The following NEGR1 variants were observed in gnomAD, a reference collection of about 807,000 sequenced individuals.
NEGR1 encodes the protein IgLON family member 4.
Under a neutral mutation model 40.9 loss-of-function variants are expected in NEGR1, and 10 were observed. The observed-to-expected ratio is 0.24, with a 90% confidence interval of 0.15 to 0.42. The LOEUF (loss-of-function observed/expected upper bound fraction) is 0.42, where lower values mean the gene tolerates loss of function less well. Among genes scored for constraint, NEGR1 ranks in the 10% least tolerant of loss-of-function variants. NEGR1 has a pLI of 1.00. For synonymous variants in NEGR1, 185 were observed against 166.8 expected, an observed-to-expected ratio of 1.11 and a Z score of -0.84; for missense variants, 352 against 438.9, an observed-to-expected ratio of 0.80 and a Z score of 1.77.
chr1:71,481,640 T>A (rs971447088), intron 6 of NEGR1, among the ~76,000 whole-genome samples: 1 of 151,962 alleles, frequency 6.6e-6, no homozygotes, highest in Non-Finnish European at 1.5e-5. Context: ...GTATTGCATA[T>A]TCATTGTATG....
chr1:72,194,602 G>A (rs1236506263), intron 1 of NEGR1, among the ~76,000 whole-genome samples: 9 of 151,980 alleles, frequency 5.9e-5, no homozygotes. Context: ...TAACCTCACA[G>A]TAAACACTGT....
chr1:71,761,056 C>T (rs1217512749), intron 3 of NEGR1, among the ~76,000 whole-genome samples: 1 of 152,132 alleles, frequency 6.6e-6, no homozygotes, highest in African/African-American at 2.4e-5. Context: ...TAGGAATTAA[C>T]GTTTGCTGTC....
At chr1:71,803,305 C>A (rs572236425) in intron 2 of NEGR1, among the ~76,000 whole-genome samples, 1 of 152,136 alleles carries the variant, frequency 6.6e-6, no homozygotes, top group African/African-American at 2.4e-5. Context: ...AGAAAGATAC[C>A]ACCAGAAACC....
intron 6 of NEGR1, among the ~76,000 whole-genome samples, chr1:71,440,273 G>C (rs960631631): frequency 2.0e-5 from 3 of 152,138 alleles, no homozygotes; most frequent in African/African-American, 7.2e-5. Flanking sequence ...TGAATTACCA[G>C]TAAATTCTAT....
In NEGR1 at chr1:72,142,236, A is replaced by G. The variant is rs542204909; in HGVS notation, c.176+140083T>C. Among the ~76,000 whole-genome samples the G allele has an allele frequency of 2.0e-4, 31 of 152,028 alleles. No homozygotes were observed. In the East Asian group the frequency reaches 5.8e-3, roughly 28 times the overall value. Reference sequence around the variant, plus strand: ...TTCGTTAAGGAGGTTCTACTATGTCAGAGTGTGATTTTTTTCATTTCTACT... The same window carrying G: ...TTCGTTAAGGAGGTTCTACTATGTCGGAGTGTGATTTTTTTCATTTCTACT... On this transcript the variant is annotated intron_variant, in intron 1 of 6. Coordinates refer to ENST00000357731, the MANE Select transcript of NEGR1 (RefSeq NM_173808.3).
chr1:72,090,869 G>T (rs1324008760), intron 1 of NEGR1, among the ~76,000 whole-genome samples: 4 of 152,118 alleles, frequency 2.6e-5, no homozygotes, highest in Non-Finnish European at 4.4e-5. Flanking sequence ...GACTAGGCCA[G>T]TCTCCAAAGT....
At chr1:71,952,283 T>G (rs1646077574) in intron 1 of NEGR1, among the ~76,000 whole-genome samples, 1 of 152,014 alleles carries the variant, frequency 6.6e-6, no homozygotes, top group South Asian at 2.1e-4. Flanking sequence ...TTAAAATTGC[T>G]AATCCAGTGA....
At chr1:71,598,128 G>A (rs754875513) in intron 5 of NEGR1, among the ~76,000 whole-genome samples, 2 of 152,072 alleles carry the variant, frequency 1.3e-5, no homozygotes, top group Non-Finnish European at 2.9e-5. Context: ...TCTGACAAGT[G>A]GCAGAATCAA....
chr1:72,016,634 A>T (rs955649643), intron 1 of NEGR1, among the ~76,000 whole-genome samples: 1 of 152,180 alleles, frequency 6.6e-6, no homozygotes, highest in African/African-American at 2.4e-5. Flanking sequence ...CACGTATGGG[A>T]AAAACACAAA....
At chr1:71,531,627 A>G (rs1228998233) in intron 6 of NEGR1, among the ~76,000 whole-genome samples, 1 of 151,330 alleles carries the variant, frequency 6.6e-6, no homozygotes, top group Non-Finnish European at 1.5e-5. Context: ...TATGACACTC[A>G]ACTTTGAGAG....
chr1:71,439,208 G>C (rs1165207321), intron 6 of NEGR1, among the ~76,000 whole-genome samples: 1 of 152,018 alleles, frequency 6.6e-6, no homozygotes, highest in African/African-American at 2.4e-5. Flanking sequence ...ATTCTGAATA[G>C]AGCTCTGTAT....
At chr1:72,228,723 T>C (rs1457321220) in intron 1 of NEGR1, among the ~76,000 whole-genome samples, 2 of 152,118 alleles carry the variant, frequency 1.3e-5, no homozygotes, top group African/African-American at 4.8e-5. Flanking sequence ...CAGGGACTTT[T>C]GAATGGTAAT....
intron 6 of NEGR1, among the ~76,000 whole-genome samples, chr1:71,421,947 A>G (rs1325740246): frequency 6.6e-6 from 1 of 151,826 alleles, no homozygotes; most frequent in African/African-American, 2.4e-5. Context: ...AAGGGATATA[A>G]GAAGGATATA....
chr1:71,420,883 GTCTAGTAAA>G (rs1646389590), intron 6 of NEGR1, among the ~76,000 whole-genome samples: 1 of 151,890 alleles, frequency 6.6e-6, no homozygotes, highest in South Asian at 2.1e-4. Context: ...TAATTCCATA[GTCTAGTAAA>G]TTATCCAAAG....
At chr1:72,091,383 C>T (rs1413688554) in intron 1 of NEGR1, among the ~76,000 whole-genome samples, 1 of 138,000 alleles carries the variant, frequency 7.2e-6, no homozygotes, top group Non-Finnish European at 1.6e-5. Flanking sequence ...TCCGTTCCTC[C>T]TTTCCTCCCT....
chr1:71,796,588 A>C (rs1657336355), intron 2 of NEGR1, among the ~76,000 whole-genome samples: 1 of 152,170 alleles, frequency 6.6e-6, no homozygotes, highest in Non-Finnish European at 1.5e-5. Context: ...GTTTTGTCAC[A>C]GTGAAGAATG....
chr1:71,984,421 G>A lies in NEGR1; in HGVS notation c.177-49110C>T, dbSNP rs555100231. Among the ~76,000 whole-genome samples, 10 of 152,030 alleles carry A rather than the reference G, an allele frequency of 6.6e-5. No homozygotes were observed. In the East Asian group the frequency reaches 1.5e-3, roughly 23 times the overall value. ...ATTACAGGTATGAACCACTGTGCCC[G>A]GCCTTGAAATAACTTTTAATGTCCA... On this transcript the variant is annotated intron_variant, in intron 1 of 6. Coordinates refer to ENST00000357731, the MANE Select transcript of NEGR1 (RefSeq NM_173808.3).
In NEGR1 at chr1:72,267,476, C is replaced by T. The variant is rs77327162; in HGVS notation, c.176+14843G>A. Among the ~76,000 whole-genome samples the T allele has an allele frequency of 7.9e-3, 1,197 of 151,136 alleles. 17 individuals carry two copies. Among genetic ancestry groups the T allele is most frequent in the African/African-American group, 0.027 (1,115 of 41,408 alleles). On this transcript the variant is annotated intron_variant, in intron 1 of 6. Transcript: ENST00000357731. ...GTGCCCTACTTAAAGCTAGATAATA[C>T]GGAAAAGTCCAGATATTGTCTGTAA...
chr1:71,894,028 C>T (rs1377389981), intron 2 of NEGR1, among the ~76,000 whole-genome samples: 2 of 98,462 alleles, frequency 2.0e-5, no homozygotes, highest in East Asian at 6.9e-4. Context: ...ACAATGAGAT[C>T]ACATGGACAC....
Sources: allele counts gnomAD v4.1 joint callset (sites outside exome capture counted in the v4.1 genomes callset), GRCh38; gene constraint gnomAD v4.1.1; transcripts MANE v1.5; gene names NCBI Gene and HGNC (gene_info 2026-07-23, HGNC 2026-07-21).